The following DSCAM variants were observed in gnomAD, a reference collection of about 807,000 sequenced individuals.
The protein encoded by DSCAM is DS cell adhesion molecule, also known as cell adhesion molecule DSCAM.
Under a neutral mutation model 217.7 loss-of-function variants are expected in DSCAM, and 47 were observed. The ratio of observed to expected loss-of-function variants is 0.22; its 90% CI spans 0.17 to 0.28. The LOEUF (loss-of-function observed/expected upper bound fraction) is 0.28, where lower values mean the gene tolerates loss of function less well. Among genes scored for constraint, DSCAM ranks in the 10% least tolerant of loss-of-function variants. The pLI is 1.00. For synonymous variants in DSCAM, 1,056 were observed against 1,015.3 expected (o/e 1.04, Z -0.76); for missense variants, 2,080 against 2,618.3 (o/e 0.79, Z 4.49).
At chr21:40,509,671 A>G (rs1050886369) in intron 3 of DSCAM, among the ~76,000 whole-genome samples, 2 of 152,252 alleles carry the variant, frequency 1.3e-5, no homozygotes, top group African/African-American at 4.8e-5. Context: ...TAAAATTTCT[A>G]TGAAAGAACT....
At chr21:40,557,077 G>A (rs968080760) in intron 3 of DSCAM, among the ~76,000 whole-genome samples, 13 of 152,016 alleles carry the variant, frequency 8.6e-5, no homozygotes, top group Admixed American at 2.0e-4. Flanking sequence ...GGACCTGCAC[G>A]GTTCAAACCC....
chr21:40,143,609 G>C (rs1264218326), intron 17 of DSCAM, among the ~76,000 whole-genome samples: 1 of 152,160 alleles, frequency 6.6e-6, no homozygotes, highest in Admixed American at 6.5e-5. Flanking sequence ...GGCTAACACG[G>C]TGAAAACCCG....
chr21:40,326,689 G>T (rs774093871), intron 8 of DSCAM, among the ~76,000 whole-genome samples: 1 of 152,178 alleles, frequency 6.6e-6, no homozygotes, highest in South Asian at 2.1e-4. Context: ...TCACAGCCAT[G>T]TAGAAACAGA....
chr21:40,021,760 A>G (rs1480194549), intron 32 of DSCAM, among the ~76,000 whole-genome samples: 8 of 152,124 alleles, frequency 5.3e-5, no homozygotes, highest in African/African-American at 1.7e-4. Flanking sequence ...ACCACTTTGC[A>G]TACTAGTATC....
chr21:40,161,447 C>A (rs2090540758), intron 16 of DSCAM, among the ~76,000 whole-genome samples: 1 of 151,914 alleles, frequency 6.6e-6, no homozygotes, highest in Non-Finnish European at 1.5e-5. Context: ...TTGATATGAA[C>A]CTTTTATGAT....
At chr21:40,225,109 A>T (rs410420) in intron 11 of DSCAM, among the ~76,000 whole-genome samples, 84,148 of 152,062 alleles carry the variant, frequency 0.55, 25,189 homozygotes, top group African/African-American at 0.79. Context: ...TTCACAGGAG[A>T]TTGGCCAGGC....
intron 11 of DSCAM, among the ~76,000 whole-genome samples, chr21:40,200,010 A>G (rs2091053526): frequency 7.4e-6 from 1 of 134,950 alleles, no homozygotes; most frequent in Non-Finnish European, 1.5e-5. Context: ...TGCTGTCCTC[A>G]GGATTCTTTT....
intron 3 of DSCAM, among the ~76,000 whole-genome samples, chr21:40,567,999 G>A (rs140358932): frequency 0.01 from 1,552 of 152,010 alleles, 24 homozygotes; most frequent in African/African-American, 0.035. Flanking sequence ...GTGCAGTGGC[G>A]CGATCTCCGC....
At chr21:40,660,643 A>G (rs73905033) in intron 3 of DSCAM, among the ~76,000 whole-genome samples, 2,474 of 152,286 alleles carry the variant, frequency 0.016, 62 homozygotes, top group African/African-American at 0.057. Flanking sequence ...GGGTGTAGAA[A>G]ACATGCAGAG....
At chr21:40,672,093 C>G (rs1272772300) in intron 3 of DSCAM, among the ~76,000 whole-genome samples, 2 of 152,194 alleles carry the variant, frequency 1.3e-5, no homozygotes, top group African/African-American at 4.8e-5. Context: ...GTCTCTCCCA[C>G]TTCTTATAAG....
At chr21:40,668,200 T>TTTGCTGAATCCCAGGGC (rs79829046) in intron 3 of DSCAM, among the ~76,000 whole-genome samples, 2 of 152,110 alleles carry the variant, frequency 1.3e-5, no homozygotes, top group Non-Finnish European at 2.9e-5. Flanking sequence ...CACACTGCTG[T>TTTGCTGAATCCCAGGGC]ACACTAGTCC....
intron 1 of DSCAM, among the ~76,000 whole-genome samples, chr21:40,714,341 A>C (rs1349856241): frequency 6.6e-6 from 1 of 151,710 alleles, no homozygotes; most frequent in Non-Finnish European, 1.5e-5. Flanking sequence ...CAGACATAAG[A>C]CTCCAACCCA....
At chr21:40,392,315 A>G (rs543784338) in intron 3 of DSCAM, among the ~76,000 whole-genome samples, 2 of 152,348 alleles carry the variant, frequency 1.3e-5, no homozygotes, top group Admixed American at 6.5e-5. Context: ...ACAGTGTTTG[A>G]TAAATATTTG....
intron 24 of DSCAM, among the ~76,000 whole-genome samples, chr21:40,082,628 T>C (rs184024582): frequency 6.6e-6 from 1 of 151,384 alleles, no homozygotes; most frequent in East Asian, 2.0e-4. Flanking sequence ...ACCTATCCCA[T>C]GCTCCTCAAA....
intron 11 of DSCAM, among the ~76,000 whole-genome samples, chr21:40,248,426 C>T (rs763901909): frequency 6.6e-6 from 1 of 152,138 alleles, no homozygotes. Flanking sequence ...CACCAGATAC[C>T]CTAAACCATC....
Position 40,812,336 on chromosome 21 carries a change from T to C in DSCAM, c.43+34283A>G, listed in dbSNP as rs1026331227. The stretch of plus-strand genomic sequence containing the variant: ...CAATGACAGCACCATCACACCAGTG[T>C]CTGAAGGAAGTCTTCCTAGATAACC... On this transcript the variant is annotated intron_variant, in intron 1 of 32. Transcript: ENST00000400454. Among the ~76,000 whole-genome samples, 96 of 152,264 alleles carry C rather than the reference T, an allele frequency of 6.3e-4. 2 individuals carry two copies. The highest frequency in any genetic ancestry group is 2.3e-3 in the African/African-American group (95 of 41,556).
At chr21:40,828,530 C>T (rs900091844) in intron 1 of DSCAM, among the ~76,000 whole-genome samples, 21 of 152,276 alleles carry the variant, frequency 1.4e-4, no homozygotes, top group South Asian at 6.2e-4. Context: ...AATGGCACTC[C>T]GCTCATAGGG....
intron 20 of DSCAM, among the ~76,000 whole-genome samples, chr21:40,118,686 T>C (rs567413056): frequency 2.8e-4 from 42 of 152,376 alleles, no homozygotes; most frequent in African/African-American, 9.9e-4. Context: ...TTCCTGCCTC[T>C]GATTCATCAG....
chr21:40,329,819 C>T (rs546745548), intron 8 of DSCAM, among the ~76,000 whole-genome samples: 10 of 152,092 alleles, frequency 6.6e-5, no homozygotes, highest in African/African-American at 2.4e-4. Flanking sequence ...TCATCTAACT[C>T]ATATATGCAA....
Sources: allele counts gnomAD v4.1 joint callset (sites outside exome capture counted in the v4.1 genomes callset), GRCh38; gene constraint gnomAD v4.1.1; transcripts MANE v1.5; gene names NCBI Gene and HGNC (gene_info 2026-07-23, HGNC 2026-07-21).